Variants in GULP1 observed in about 807,000 individuals in gnomAD.
The protein encoded by GULP1 is GULP PTB domain containing engulfment adaptor 1, also known as PTB domain-containing engulfment adapter protein 1.
Under a neutral mutation model 40.9 loss-of-function variants are expected in GULP1, and 19 were observed. The observed-to-expected ratio is 0.46, with a 90% CI of 0.32 to 0.68. The LOEUF (loss-of-function observed/expected upper bound fraction) is 0.68, where lower values mean the gene tolerates loss of function less well. Among genes scored for constraint, GULP1 ranks in the 30% least tolerant of loss-of-function variants. The pLI, the probability that GULP1 is intolerant of heterozygous loss-of-function variation, is 0.03. For missense variants in GULP1, 312 were observed against 362.2 expected (o/e 0.86, Z 1.12); for synonymous variants, 119 against 117.6 (o/e 1.01, Z -0.08).
At chr2:188,520,030 G>A (rs2065582791) in intron 4 of GULP1, among the ~76,000 whole-genome samples, 2 of 152,150 alleles carry the variant, frequency 1.3e-5, no homozygotes, top group African/African-American at 4.8e-5. Context: ...GGAGAAATGT[G>A]ACAGCTCCAT....
intron 6 of GULP1, among the ~76,000 whole-genome samples, chr2:188,535,746 T>C (rs544926736): frequency 6.6e-6 from 1 of 152,258 alleles, no homozygotes; most frequent in South Asian, 2.1e-4. Context: ...ACAGCAACTG[T>C]TTTAAGTTCC....
intron 4 of GULP1, among the ~76,000 whole-genome samples, chr2:188,513,129 A>T (rs1308879447): frequency 6.6e-6 from 1 of 152,162 alleles, no homozygotes; most frequent in East Asian, 1.9e-4. Context: ...TATCTATAGT[A>T]TCAGAAACTT....
chr2:188,300,386 A>G (rs1161544418), intron 1 of GULP1, among the ~76,000 whole-genome samples: 3 of 152,148 alleles, frequency 2.0e-5, no homozygotes, highest in Non-Finnish European at 4.4e-5. Context: ...TTTTCTGAAC[A>G]TATGGAAACT....
At chr2:188,366,906 T>C (rs2046881442) in intron 1 of GULP1, among the ~76,000 whole-genome samples, 1 of 151,510 alleles carries the variant, frequency 6.6e-6, no homozygotes, top group Non-Finnish European at 1.5e-5. Flanking sequence ...ATTTGTTAAA[T>C]CCTTGCATCT....
At chr2:188,588,122 A>G (rs1424992465) in intron 11 of GULP1, 173 bp downstream of exon 11, 6 of 637,134 alleles carry the variant, frequency 9.4e-6, no homozygotes, top group Admixed American at 7.6e-5. Flanking sequence ...ATACTCCTAC[A>G]TATGCTAAGG....
intron 1 of GULP1, among the ~76,000 whole-genome samples, chr2:188,300,898 G>A (rs2036016865): frequency 6.6e-6 from 1 of 152,128 alleles, no homozygotes; most frequent in Admixed American, 6.6e-5. Context: ...AGAAATAACT[G>A]TCTTTCAGTC....
intron 4 of GULP1, among the ~76,000 whole-genome samples, chr2:188,488,581 A>T (rs1188930575): frequency 2.0e-5 from 3 of 151,998 alleles, no homozygotes; most frequent in Non-Finnish European, 2.9e-5. Context: ...AGAATGAACT[A>T]CTTAGAATGT....
At position 188,429,675 on chromosome 2, in the gene GULP1, A is replaced by G. The variant is rs555041130; in HGVS notation, c.-45+45786A>G. ...TTAAATGATGTTTAGTCTTTCGGCT[A>G]GAGCAGGTAGGACTGGAGGTTTTTG... On this transcript the variant is annotated intron_variant, in intron 2 of 11. Transcript: ENST00000409830. Among the ~76,000 whole-genome samples the G allele has an allele frequency of 2.0e-5, 3 of 152,210 alleles. No individual in the cohort carries two copies. In the East Asian group the frequency reaches 5.8e-4, roughly 29 times the overall value.
chr2:188,349,977 A>G (rs1030255669), intron 1 of GULP1, among the ~76,000 whole-genome samples: 1 of 152,136 alleles, frequency 6.6e-6, no homozygotes, highest in East Asian at 1.9e-4. Flanking sequence ...TTATTTCCCC[A>G]ATGATTTGTC....
intron 7 of GULP1, among the ~76,000 whole-genome samples, chr2:188,559,448 C>T (rs959317702): frequency 6.6e-6 from 1 of 152,188 alleles, no homozygotes; most frequent in Non-Finnish European, 1.5e-5. Flanking sequence ...GTGGGGCACT[C>T]ATGGAGAACC....
chr2:188,317,048 T>C (rs2039194370), intron 1 of GULP1, among the ~76,000 whole-genome samples: 1 of 152,136 alleles, frequency 6.6e-6, no homozygotes, highest in African/African-American at 2.4e-5. Flanking sequence ...ACTTAACCCT[T>C]CCTCTGTTAC....
chr2:188,549,724 A>G (rs941458084), intron 7 of GULP1, among the ~76,000 whole-genome samples: 2 of 151,826 alleles, frequency 1.3e-5, no homozygotes, highest in African/African-American at 4.8e-5. Flanking sequence ...GAAAACTACA[A>G]TCCATCCAGA....
Position 188,495,476 on chromosome 2 carries a change from A to T in GULP1, c.90+11984A>T, listed in dbSNP as rs145678716. ...AAATTAGTCCCATGTTCTTCAAAAT[A>T]TAACAACAAACTCACTTATCCAAAC... On this transcript the variant is annotated intron_variant, in intron 4 of 11. Transcript: ENST00000409830. 1.9e-4 allele frequency among the ~76,000 whole-genome samples: 29 copies of T among 152,210 alleles called. 1 individual carries two copies. The East Asian group carries it at 5.6e-3, about 30-fold the overall frequency.
intron 1 of GULP1, among the ~76,000 whole-genome samples, chr2:188,330,722 A>T (rs544008177): frequency 6.6e-6 from 1 of 152,316 alleles, no homozygotes; most frequent in South Asian, 2.1e-4. Flanking sequence ...TTTGTCACCA[A>T]CAAGCCATGT....
At chr2:188,377,156 A>C (rs2048399760) in intron 1 of GULP1, among the ~76,000 whole-genome samples, 1 of 151,852 alleles carries the variant, frequency 6.6e-6, no homozygotes. Context: ...TGGGCAACAG[A>C]GCGAGACTCC....
chr2:188,538,533 A>G (rs1689538679), intron 6 of GULP1, among the ~76,000 whole-genome samples: 1 of 152,152 alleles, frequency 6.6e-6, no homozygotes, highest in African/African-American at 2.4e-5. Flanking sequence ...ACGAATATAG[A>G]GTATATGACT....
At chr2:188,583,881 C>T (rs978560887) in intron 9 of GULP1, among the ~76,000 whole-genome samples, 4 of 152,130 alleles carry the variant, frequency 2.6e-5, no homozygotes, top group East Asian at 3.8e-4. Context: ...TCTTATGCAG[C>T]GTATCTTACT....
At chr2:188,325,409 T>G (rs566833560) in intron 1 of GULP1, among the ~76,000 whole-genome samples, 3 of 152,244 alleles carry the variant, frequency 2.0e-5, no homozygotes, top group African/African-American at 7.2e-5. Context: ...AATCTCGTGT[T>G]AAGTCTAGCC....
At chr2:188,370,412 A>G (rs543841882) in intron 1 of GULP1, among the ~76,000 whole-genome samples, 1 of 152,298 alleles carries the variant, frequency 6.6e-6, no homozygotes, top group Admixed American at 6.5e-5. Context: ...AAAACAATCA[A>G]TGAATGAGAC....
Sources: allele counts gnomAD v4.1 joint callset (sites outside exome capture counted in the v4.1 genomes callset), GRCh38; gene constraint gnomAD v4.1.1; transcripts MANE v1.5; gene names NCBI Gene and HGNC (gene_info 2026-07-23, HGNC 2026-07-21).